Variants in VAV3 observed in about 807,000 individuals in gnomAD.
VAV3 encodes the protein guanine nucleotide exchange factor VAV3.
In VAV3, 94 loss-of-function variants were observed where a neutral mutation model predicts 131.2. The ratio of observed to expected loss-of-function variants is 0.72; its 90% CI spans 0.61 to 0.85. VAV3 has a LOEUF of 0.85. Ranked by LOEUF, VAV3 falls within the 40% of genes least tolerant of loss-of-function variation. The pLI is 0.00. For missense variants in VAV3, 939 were observed against 1,002.7 expected (o/e 0.94, Z 0.86); for synonymous variants, 349 against 342.0 (o/e 1.02, Z -0.22).
At chr1:107,750,576 C>T (rs2102064528) in intron 13 of VAV3, among the ~76,000 whole-genome samples, 1 of 152,310 alleles carries the variant, frequency 6.6e-6, no homozygotes, top group Middle Eastern at 3.4e-3. Flanking sequence ...CTGCCCCCTA[C>T]TGGCTTTCGC....
At chr1:107,796,633 C>T (rs978392364) in intron 2 of VAV3, among the ~76,000 whole-genome samples, 5 of 151,754 alleles carry the variant, frequency 3.3e-5, no homozygotes, top group African/African-American at 1.2e-4. Flanking sequence ...CTGTTTGGGG[C>T]CTAAATAAGG....
intron 1 of VAV3, among the ~76,000 whole-genome samples, chr1:107,935,278 T>C (rs1673652566): frequency 6.6e-6 from 1 of 152,192 alleles, no homozygotes; most frequent in South Asian, 2.1e-4. Flanking sequence ...TTCAAGTGAA[T>C]AAATATTGAG....
intron 2 of VAV3, 44 bp downstream of exon 2, chr1:107,874,857 T>C: frequency 6.5e-7 from 1 of 1,540,676 alleles, no homozygotes; most frequent in Non-Finnish European, 9.0e-7. Context: ...TTTGCTTAAA[T>C]GCTTTCCAGT....
chr1:107,874,955 C>G lies in VAV3; in HGVS notation c.267G>C (p.Arg89Ser). Residue 89 changes from arginine to serine, a missense_variant, in exon 2 of 27, where the codon AGG (arginine) becomes AGC (serine). By Grantham distance (110) the Arg-to-Ser change is moderately radical (BLOSUM62 -1). Coordinates refer to ENST00000370056, the MANE Select transcript of VAV3 (RefSeq NM_006113.5). ...CAAATGCCTCGAAAAGTTCACTTTT[C>G]CTCATTCCAAACGTCTCACAACAGG... ...LTACCETFGM[R>S]KSELFEAFDL... is the part of the protein sequence containing the mutation. 6.2e-7 allele frequency: 1 copy of G among 1,613,424 alleles called. No homozygotes were observed. The highest frequency in any genetic ancestry group is 8.5e-7 in the Non-Finnish European group (1 of 1,179,586).
intron 15 of VAV3, among the ~76,000 whole-genome samples, chr1:107,713,721 C>T (rs1328962094): frequency 6.6e-6 from 1 of 152,058 alleles, no homozygotes; most frequent in Non-Finnish European, 1.5e-5. Flanking sequence ...CAACGACATC[C>T]TTATAAATAC....
intron 24 of VAV3, among the ~76,000 whole-genome samples, chr1:107,597,662 G>A (rs1651500207): frequency 6.6e-6 from 1 of 152,134 alleles, no homozygotes; most frequent in Non-Finnish European, 1.5e-5. Context: ...AGGCAGGCTG[G>A]AAACAGACAT....
chr1:107,763,777 T>C (rs1425896942), intron 9 of VAV3, among the ~76,000 whole-genome samples: 1 of 152,198 alleles, frequency 6.6e-6, no homozygotes, highest in Non-Finnish European at 1.5e-5. Context: ...AAGCAATAGT[T>C]TCCCTTTGTG....
rs181351732 is a variant in VAV3 at position 107,744,613 on chromosome 1, G to C, written c.1502+4355C>G. On this transcript the variant is annotated intron_variant, in intron 15 of 26. Coordinates refer to ENST00000370056, the MANE Select transcript of VAV3 (RefSeq NM_006113.5). Reference sequence around the variant, plus strand: ...TTAAAAAAACAAACAAACATTTTTTGCCATTAAAAGTAATGGCAAAGCCCC... The same window carrying C: ...TTAAAAAAACAAACAAACATTTTTTCCCATTAAAAGTAATGGCAAAGCCCC... Among the ~76,000 whole-genome samples the C allele has an allele frequency of 7.9e-5, 12 of 151,708 alleles. No homozygotes were observed. In the East Asian group the frequency reaches 2.3e-3, roughly 29 times the overall value.
intron 15 of VAV3, among the ~76,000 whole-genome samples, chr1:107,720,404 T>TAAAA (rs1162604191): frequency 1.7e-4 from 17 of 102,966 alleles, no homozygotes; most frequent in Non-Finnish European, 3.0e-4. Flanking sequence ...AATAAATAAA[T>TAAAA]AAATAAATAA....
intron 25 of VAV3, among the ~76,000 whole-genome samples, chr1:107,580,064 G>A (rs1391505334): frequency 1.3e-5 from 2 of 152,164 alleles, no homozygotes; most frequent in Non-Finnish European, 2.9e-5. Context: ...GGCACTTCAT[G>A]GCTCTGATAT....
chr1:107,701,517 C>T (rs932996672), intron 17 of VAV3, among the ~76,000 whole-genome samples: 2 of 111,722 alleles, frequency 1.8e-5, no homozygotes, highest in African/African-American at 2.8e-5. Flanking sequence ...CTCTGACATG[C>T]CCTGGAGACA....
intron 25 of VAV3, among the ~76,000 whole-genome samples, chr1:107,579,453 G>A (rs1649880869): frequency 6.6e-6 from 1 of 152,102 alleles, no homozygotes; most frequent in African/African-American, 2.4e-5. Context: ...GAACTCTCCT[G>A]TTCTCTCTGT....
chr1:107,938,428 G>C (rs1198367781), intron 1 of VAV3, among the ~76,000 whole-genome samples: 1 of 152,158 alleles, frequency 6.6e-6, no homozygotes, highest in Non-Finnish European at 1.5e-5. Context: ...TTTTTGGGGG[G>C]CTAGGGAATA....
At chr1:107,922,221 G>A (rs964882249) in intron 1 of VAV3, among the ~76,000 whole-genome samples, 2 of 151,786 alleles carry the variant, frequency 1.3e-5, no homozygotes, top group Admixed American at 6.6e-5. Context: ...ACATCAAGCT[G>A]TATCATAATA....
intron 8 of VAV3, among the ~76,000 whole-genome samples, chr1:107,765,969 A>AT (rs563648665): frequency 0.013 from 1,931 of 151,648 alleles, 37 homozygotes; most frequent in African/African-American, 0.044. Flanking sequence ...TTGTCAGGAG[A>AT]TTTTTTTTTA....
intron 19 of VAV3, among the ~76,000 whole-genome samples, chr1:107,659,915 T>C (rs1451806847): frequency 1.3e-5 from 2 of 152,194 alleles, no homozygotes; most frequent in Non-Finnish European, 2.9e-5. Context: ...ACAATGTTAA[T>C]GAATAAATCA....
At chr1:107,833,866 C>T (rs978993123) in intron 2 of VAV3, among the ~76,000 whole-genome samples, 1 of 152,172 alleles carries the variant, frequency 6.6e-6, no homozygotes, top group South Asian at 2.1e-4. Context: ...TCAAGTTCTT[C>T]CTTGACTACT....
intron 1 of VAV3, among the ~76,000 whole-genome samples, chr1:107,886,669 C>T (rs1671051123): frequency 6.6e-6 from 1 of 152,104 alleles, no homozygotes. Flanking sequence ...TCTTATTCAT[C>T]TAGGTTTGTA....
chr1:107,763,425 C>A (rs1557830129), intron 9 of VAV3, among the ~76,000 whole-genome samples: 1 of 152,236 alleles, frequency 6.6e-6, no homozygotes, highest in South Asian at 2.1e-4. Flanking sequence ...GTGTGATTGA[C>A]AACTTGCTGA....
Sources: allele counts gnomAD v4.1 joint callset (sites outside exome capture counted in the v4.1 genomes callset), GRCh38; gene constraint gnomAD v4.1.1; transcripts MANE v1.5; gene names NCBI Gene and HGNC (gene_info 2026-07-23, HGNC 2026-07-21).